The following RPTOR variants were observed in gnomAD, a reference collection of about 807,000 sequenced individuals.
RPTOR encodes the protein regulatory associated protein of MTOR complex 1.
RPTOR carries 21 observed loss-of-function variants against 169.9 expected under a neutral mutation model. The ratio of observed to expected loss-of-function variants is 0.12; its 90% CI spans 0.09 to 0.18. RPTOR has a LOEUF of 0.18. Ranked by LOEUF, RPTOR falls within the 10% of genes least tolerant of loss-of-function variation. RPTOR has a pLI of 1.00. For synonymous variants in RPTOR, 732 were observed against 753.2 expected (o/e 0.97, Z 0.46); for missense variants, 1,133 against 1,855.9 (o/e 0.61, Z 7.16).
At chr17:80,584,589 A>G (rs1412997936) in intron 1 of RPTOR, among the ~76,000 whole-genome samples, 7 of 152,154 alleles carry the variant, frequency 4.6e-5, no homozygotes, top group Non-Finnish European at 1.0e-4. Flanking sequence ...TCTCAATAAA[A>G]TGGCAGAGAA....
rs574922385 is a variant in RPTOR, at chr17:80,646,095, G to C, written c.348+2285G>C. On this transcript the variant is annotated intron_variant, in intron 3 of 33. Transcript: ENST00000306801. This position sits in a 1 kb window ranked among gnomAD's most constrained non-coding sequence, Gnocchi z 5.0. Reference sequence around the variant, plus strand: ...TTTATAAAGTGGAATCTGGAATAAAGTATCCGCTGCAGCCTAGAAGGAAGC... The same window carrying C: ...TTTATAAAGTGGAATCTGGAATAAACTATCCGCTGCAGCCTAGAAGGAAGC... 3.3e-5 allele frequency among the ~76,000 whole-genome samples: 5 copies of C among 152,328 alleles called. No individual in the cohort carries two copies. Among genetic ancestry groups the C allele is most frequent in the Admixed American group, 1.3e-4 (2 of 15,302 alleles).
chr17:80,560,302 C>T (rs919616144), intron 1 of RPTOR, among the ~76,000 whole-genome samples: 2 of 152,166 alleles, frequency 1.3e-5, no homozygotes, highest in African/African-American at 2.4e-5. Flanking sequence ...GGGAGCAGGG[C>T]GGAGGATGGA....
chr17:80,966,099 G>A lies in RPTOR; in HGVS notation c.*1769G>A, dbSNP rs2069426133. On this transcript the variant is annotated 3_prime_UTR_variant, in exon 34 of 34. Coordinates refer to ENST00000306801, the MANE Select transcript of RPTOR (RefSeq NM_020761.3). ...AATCACCACCTGTCAAAAGGCAGGT[G>A]GCTCCAGAGGGGTCAAGACCCCCCC... 4.4e-6 allele frequency: 1 copy of A among 227,982 alleles called. No homozygotes were observed. Among genetic ancestry groups the A allele is most frequent in the Non-Finnish European group, 8.7e-6 (1 of 115,570 alleles). 14.1% of individuals were successfully genotyped at this position (227,982 alleles called of 1,614,324 possible).
intron 6 of RPTOR, among the ~76,000 whole-genome samples, chr17:80,781,122 G>GGA (rs1244060878): frequency 6.6e-6 from 1 of 152,174 alleles, no homozygotes; most frequent in Non-Finnish European, 1.5e-5. Context: ...ATCTAAGCGG[G>GGA]GAGGGTGATA....
At chr17:80,757,496 C>T (rs1366108791) in intron 6 of RPTOR, among the ~76,000 whole-genome samples, 1 of 152,154 alleles carries the variant, frequency 6.6e-6, no homozygotes. Flanking sequence ...GCTTGTTTCT[C>T]CTTTCGCATT....
chr17:80,605,392 TG>T (rs1453879683), intron 1 of RPTOR, among the ~76,000 whole-genome samples: 2 of 152,062 alleles, frequency 1.3e-5, no homozygotes, highest in Admixed American at 6.6e-5. Context: ...GGGGAGGTGG[TG>T]GGTGACAGAG....
At chr17:80,869,026 A>G (rs530050094) in intron 13 of RPTOR, among the ~76,000 whole-genome samples, 1 of 152,374 alleles carries the variant, frequency 6.6e-6, no homozygotes, top group African/African-American at 2.4e-5. Flanking sequence ...TCACAGGTGT[A>G]GACGTACGTC....
At chr17:80,706,257 G>A (rs546464105) in intron 3 of RPTOR, among the ~76,000 whole-genome samples, 181 of 152,190 alleles carry the variant, frequency 1.2e-3, no homozygotes, top group Non-Finnish European at 2.1e-3. Context: ...TTTCACACCC[G>A]TTGTTCCCCT....
At chr17:80,709,314 A>G (rs867855723) in intron 4 of RPTOR, among the ~76,000 whole-genome samples, 4 of 152,298 alleles carry the variant, frequency 2.6e-5, no homozygotes, top group African/African-American at 9.6e-5. Flanking sequence ...TGTCTTTCTC[A>G]GCTGCAGTCT....
chr17:80,942,768 G>A (rs183011624), intron 25 of RPTOR, among the ~76,000 whole-genome samples: 17 of 152,362 alleles, frequency 1.1e-4, no homozygotes, highest in Admixed American at 2.6e-4. Context: ...CCTGTGTCAC[G>A]CAGGCCCCTG....
intron 9 of RPTOR, among the ~76,000 whole-genome samples, chr17:80,834,847 C>G (rs2067546467): frequency 6.6e-6 from 1 of 152,256 alleles, no homozygotes; most frequent in Admixed American, 6.5e-5. Flanking sequence ...CTGCTCGGCC[C>G]ACGGCCCGGA....
chr17:80,832,738 T>C (rs903380122), intron 9 of RPTOR, among the ~76,000 whole-genome samples: 9 of 151,964 alleles, frequency 5.9e-5, no homozygotes, highest in Admixed American at 2.0e-4. Context: ...TGCCCAGAGC[T>C]CTCTCCTCCC....
chr17:80,556,760 A>G (rs1475763887), intron 1 of RPTOR, among the ~76,000 whole-genome samples: 3 of 149,912 alleles, frequency 2.0e-5, no homozygotes, highest in Non-Finnish European at 4.4e-5. Context: ...TTCAGGAGTC[A>G]CAAAGAGACC....
rs545725853 is a variant in RPTOR at position 80,876,075 on chromosome 17, C to T, written c.1510-4340C>T. Among the ~76,000 whole-genome samples, 22 of 118,848 alleles carry T rather than the reference C, an allele frequency of 1.9e-4. 1 individual carries two copies. The South Asian group carries it at 6.7e-3, about 36-fold the overall frequency. 78.0% of individuals were successfully genotyped at this position (118,848 alleles called of 152,430 possible). A position where few individuals can be genotyped will look rare whatever the true frequency, so the allele number is the denominator to read the frequency against. On this transcript the variant is annotated intron_variant, in intron 13 of 33. Coordinates refer to ENST00000306801, the MANE Select transcript of RPTOR (RefSeq NM_020761.3). ...GGGTCTTCACACCGAGCCCGTGCCA[C>T]GCAGGGTGTGTGTGTCACCTGCCGG...
chr17:80,759,509 G>T (rs944961143), intron 6 of RPTOR, among the ~76,000 whole-genome samples: 2 of 152,158 alleles, frequency 1.3e-5, no homozygotes, highest in East Asian at 3.8e-4. Flanking sequence ...GTCTCAGGTG[G>T]CGGCTCTTTT....
chr17:80,666,237 T>C (rs2065778265), intron 3 of RPTOR, among the ~76,000 whole-genome samples: 1 of 150,258 alleles, frequency 6.7e-6, no homozygotes. Flanking sequence ...ATATTATTCT[T>C]CTCCAAAGTT....
In RPTOR at chr17:80,957,572, G is replaced by A; in HGVS notation, c.3371-52G>A. 1 of 1,560,578 alleles carries A rather than the reference G, an allele frequency of 6.4e-7. No homozygotes were observed. Among genetic ancestry groups the A allele is most frequent in the African/African-American group, 1.4e-5 (1 of 74,040 alleles). ...CTGCCCAGAGCAGGCCCCAAAGCCT[G>A]CCCAAGGCAAGGGCCCATGGGGTGA... On this transcript the variant is annotated intron_variant, in intron 28 of 33. Transcript: ENST00000306801. This position sits in a 1 kb window ranked among gnomAD's most constrained non-coding sequence, Gnocchi z 4.6.
chr17:80,789,023 T>G (rs1390153124), intron 6 of RPTOR, among the ~76,000 whole-genome samples: 2 of 152,264 alleles, frequency 1.3e-5, no homozygotes, highest in Non-Finnish European at 2.9e-5. Flanking sequence ...CATGCTACGC[T>G]TATTCATATA....
At position 80,574,265 on chromosome 17, in the gene RPTOR, C is replaced by T. The variant is rs1473262638; in HGVS notation, c.162+28474C>T. Among the ~76,000 whole-genome samples, 5 of 149,814 alleles carry T rather than the reference C, an allele frequency of 3.3e-5. No homozygotes were observed. In the East Asian group the frequency reaches 7.8e-4, roughly 24 times the overall value. ...CTGCAAGCTCCGCTTCCCGGGTTCA[C>T]GCCATTCTCCTGCCTCAGCCTCCCG... On this transcript the variant is annotated intron_variant, in intron 1 of 33. Transcript: ENST00000306801.
Sources: allele counts gnomAD v4.1 joint callset (sites outside exome capture counted in the v4.1 genomes callset), GRCh38; gene constraint gnomAD v4.1.1; non-coding constraint Gnocchi (gnomAD v3.1); transcripts MANE v1.5; gene names NCBI Gene and HGNC (gene_info 2026-07-23, HGNC 2026-07-21).